The following SMG7 variants were observed in gnomAD, a reference collection of about 807,000 sequenced individuals.
SMG7 encodes the protein nonsense-mediated mRNA decay factor SMG7.
A neutral mutation model predicts 148.2 loss-of-function variants in SMG7; 34 were observed. That is an observed-to-expected ratio of 0.23 (90% CI 0.17 to 0.31). SMG7 has a LOEUF of 0.31. Among genes scored for constraint, SMG7 ranks in the 10% least tolerant of loss-of-function variants. The pLI is 1.00. For missense variants in SMG7, 1,114 were observed against 1,408.4 expected (o/e 0.79, Z 3.35); for synonymous variants, 492 against 515.1 (o/e 0.96, Z 0.61).
chr1:183,526,239 C>T (rs1259082175), intron 4 of SMG7, among the ~76,000 whole-genome samples: 4 of 151,384 alleles, frequency 2.6e-5, no homozygotes, highest in Non-Finnish European at 5.9e-5. Context: ...ACCTCCGCCT[C>T]CTGGGTTCAA....
intron 2 of SMG7, chr1:183,513,506 T>G (rs1662679269): frequency 6.6e-6 from 1 of 152,534 alleles, no homozygotes; most frequent in South Asian, 2.1e-4. Flanking sequence ...TGAGTAGGTG[T>G]GATTATAGGC....
In SMG7 at chr1:183,479,420, T is replaced by G. The variant is rs565633595; in HGVS notation, c.29+6771T>G. On this transcript the variant is annotated intron_variant, in intron 1 of 22. Coordinates refer to ENST00000688051, the MANE Select transcript of SMG7 (RefSeq NM_001375584.1). Reference sequence around the variant, plus strand: ...TAAAAAATGTCCACACATTGCCAGATGTCCCCTGGATTGTAAATTCACCCC... The same window carrying G: ...TAAAAAATGTCCACACATTGCCAGAGGTCCCCTGGATTGTAAATTCACCCC... 3.3e-5 allele frequency among the ~76,000 whole-genome samples: 5 copies of G among 152,290 alleles called. No individual in the cohort carries two copies. In the East Asian group the frequency reaches 9.6e-4, roughly 29 times the overall value.
chr1:183,475,172 A>T (rs1341192656), intron 1 of SMG7, among the ~76,000 whole-genome samples: 1 of 152,256 alleles, frequency 6.6e-6, no homozygotes, highest in East Asian at 1.9e-4. Context: ...CTTTCCACAA[A>T]TATAAGTTGA....
intron 13 of SMG7, 32 bp downstream of exon 13, chr1:183,541,135 T>C (rs926741517): frequency 3.1e-6 from 5 of 1,604,706 alleles, no homozygotes; most frequent in Middle Eastern, 1.7e-4. Flanking sequence ...TACCCCTTTT[T>C]AACCACCTTT....
intron 10 of SMG7, among the ~76,000 whole-genome samples, chr1:183,536,901 C>T (rs192572387): frequency 2.9e-4 from 44 of 152,236 alleles, no homozygotes; most frequent in African/African-American, 9.1e-4. Context: ...GAATTAGGAG[C>T]ATGGGAAATG....
At chr1:183,507,732 G>A (rs1661248155) in intron 1 of SMG7, among the ~76,000 whole-genome samples, 2 of 152,134 alleles carry the variant, frequency 1.3e-5, no homozygotes, top group Non-Finnish European at 2.9e-5. Flanking sequence ...CTGTAGTATA[G>A]TATATAGTAC....
chr1:183,496,097 C>T (rs1247219066), intron 1 of SMG7, among the ~76,000 whole-genome samples: 3 of 152,102 alleles, frequency 2.0e-5, no homozygotes, highest in East Asian at 3.8e-4. Flanking sequence ...CTAGGAGTTT[C>T]TTTAATCATA....
chr1:183,530,549 A>C (rs1666675524), intron 8 of SMG7, among the ~76,000 whole-genome samples: 1 of 152,194 alleles, frequency 6.6e-6, no homozygotes, highest in Non-Finnish European at 1.5e-5. Flanking sequence ...TAGGCTGTTC[A>C]GCCTGGAAAA....
chr1:183,503,326 T>C (rs1381058506), intron 1 of SMG7, among the ~76,000 whole-genome samples: 1 of 152,244 alleles, frequency 6.6e-6, no homozygotes, highest in East Asian at 1.9e-4. Context: ...TAGTGTGGTA[T>C]TTCTATAATT....
At chr1:183,495,697 A>G (rs1391484614) in intron 1 of SMG7, among the ~76,000 whole-genome samples, 4 of 152,082 alleles carry the variant, frequency 2.6e-5, no homozygotes, top group South Asian at 4.1e-4. Flanking sequence ...GGGGAAACCC[A>G]TCTCTACTAA....
At chr1:183,501,540 A>G (rs1659707916) in intron 1 of SMG7, among the ~76,000 whole-genome samples, 1 of 152,226 alleles carries the variant, frequency 6.6e-6, no homozygotes, top group African/African-American at 2.4e-5. Flanking sequence ...GTTAAATTGA[A>G]GTCCCCAAGA....
chr1:183,527,886 T>A lies in SMG7; in HGVS notation c.485-70T>A. On this transcript the variant is annotated intron_variant, in intron 5 of 22. Coordinates refer to ENST00000688051, the MANE Select transcript of SMG7 (RefSeq NM_001375584.1). The surrounding 1 kb of genome is among the most constrained non-coding windows in gnomAD (Gnocchi z 4.0). ...TTATTATCTTTAGAACTTAAAACTA[T>A]AGCTGTTTTGGAAATACTACCCTAC... 1.0e-6 allele frequency: 1 copy of A among 975,976 alleles called. No individual in the cohort carries two copies. The highest frequency in any genetic ancestry group is 1.6e-6 in the Non-Finnish European group (1 of 618,372). The allele number at this position is 975,976 out of a possible 1,614,324, so 60.5% of individuals were successfully genotyped here.
chr1:183,489,264 G>A (rs1557957491), intron 1 of SMG7, among the ~76,000 whole-genome samples: 1 of 152,092 alleles, frequency 6.6e-6, no homozygotes, highest in Admixed American at 6.6e-5. Context: ...AAAGCTAGCT[G>A]CTCTGCCCAG....
intron 1 of SMG7, among the ~76,000 whole-genome samples, chr1:183,510,983 T>C (rs1020351945): frequency 6.6e-6 from 1 of 151,074 alleles, no homozygotes; most frequent in Non-Finnish European, 1.5e-5. Context: ...AGAGCGAGAC[T>C]CCGTCTTAAG....
intron 1 of SMG7, among the ~76,000 whole-genome samples, chr1:183,477,312 G>C (rs1315002286): frequency 2.0e-5 from 3 of 152,114 alleles, no homozygotes; most frequent in Admixed American, 1.3e-4. Flanking sequence ...TTCCTATGCT[G>C]TGAGTGTTTC....
chr1:183,485,109 T>TA (rs1305367172), intron 1 of SMG7, among the ~76,000 whole-genome samples: 2 of 152,174 alleles, frequency 1.3e-5, no homozygotes, highest in Non-Finnish European at 2.9e-5. Context: ...TGTATACTAT[T>TA]ATTGCTCTGT....
intron 1 of SMG7, chr1:183,502,390 A>G: frequency 2.0e-6 from 3 of 1,532,480 alleles, no homozygotes; most frequent in Non-Finnish European, 2.6e-6. Context: ...AAGTAATATT[A>G]GGTAGGATGA....
intron 1 of SMG7, among the ~76,000 whole-genome samples, chr1:183,481,127 ATTG>A (rs1291662954): frequency 6.6e-6 from 1 of 151,904 alleles, no homozygotes; most frequent in African/African-American, 2.4e-5. Flanking sequence ...TTTATCTGGT[ATTG>A]TTGGCCTTCC....
rs773953989 is a variant in SMG7, at chr1:183,551,849, G to C, written c.3482G>C (p.Gly1161Ala). The C allele has an allele frequency of 8.1e-6, 13 of 1,613,384 alleles. No homozygotes were observed. Among genetic ancestry groups the C allele is most frequent in the Non-Finnish European group, 1.1e-5 (13 of 1,179,688 alleles). ...SIWSSSMMHP[G>A]PSALEQLLMQ... ...TGGTCCAGTTCCATGATGCATCCTG[G>C]ACCTTCTGCTCTGGAGCAGCTGTTA... Residue 1161 changes from glycine (G) to alanine (A), a missense_variant, in exon 23 of 23, where the codon GGA (glycine) becomes GCA (alanine). Gly to Ala is a moderately conservative substitution (Grantham distance 60). This residue lies in a region of SMG7 where 788 missense variants were observed against 894.5 expected (regional missense o/e 0.88). Transcript: ENST00000688051.
Sources: gnomAD v4.1 joint callset for allele counts (sites outside exome capture counted in the v4.1 genomes callset) on GRCh38, gnomAD v4.1.1 for gene constraint, gnomAD v4.1.1 regional missense constraint, Gnocchi (gnomAD v3.1) non-coding constraint, MANE v1.5 for transcripts, NCBI Gene and HGNC (gene_info 2026-07-23, HGNC 2026-07-21) for gene names.